The following LIN52 variants were observed in gnomAD, a reference collection of about 807,000 sequenced individuals.
LIN52 encodes the protein lin-52 DREAM MuvB core complex component, also known as protein lin-52 homolog.
Under a neutral mutation model 18.5 loss-of-function variants are expected in LIN52, and 4 were observed. That is an observed-to-expected ratio of 0.22 (90% confidence interval 0.11 to 0.49). The LOEUF (loss-of-function observed/expected upper bound fraction) is 0.49, where lower values mean the gene tolerates loss of function less well. Ranked by LOEUF, LIN52 falls within the 20% of genes least tolerant of loss-of-function variation. The pLI, the probability that LIN52 is intolerant of heterozygous loss-of-function variation, is 0.97. For synonymous variants in LIN52, 34 were observed against 45.5 expected (o/e 0.75, Z 1.02); for missense variants, 102 against 139.5 (o/e 0.73, Z 1.35).
intron 5 of LIN52, among the ~76,000 whole-genome samples, chr14:74,115,345 G>A (rs924716831): frequency 6.6e-6 from 1 of 152,108 alleles, no homozygotes; most frequent in Non-Finnish European, 1.5e-5. Flanking sequence ...TATTGTGAAG[G>A]CGAACTTTTT....
intron 5 of LIN52, among the ~76,000 whole-genome samples, chr14:74,176,787 T>C (rs2061296189): frequency 6.6e-6 from 1 of 152,192 alleles, no homozygotes; most frequent in South Asian, 2.1e-4. Flanking sequence ...GTTAATGTTT[T>C]AATATTTCTA....
chr14:74,141,236 A>G (rs940644444), intron 5 of LIN52, among the ~76,000 whole-genome samples: 6 of 152,252 alleles, frequency 3.9e-5, no homozygotes, highest in African/African-American at 1.4e-4. Flanking sequence ...TGCCACGAAC[A>G]GTTTCTCCAT....
At chr14:74,191,191 A>G (rs2078874142) in intron 5 of LIN52, among the ~76,000 whole-genome samples, 1 of 152,176 alleles carries the variant, frequency 6.6e-6, no homozygotes, top group Non-Finnish European at 1.5e-5. Flanking sequence ...TATAAATCAC[A>G]TTGCTCTCTT....
intron 5 of LIN52, among the ~76,000 whole-genome samples, chr14:74,193,286 T>C (rs10140433): frequency 0.6 from 91,138 of 151,042 alleles, 28,567 homozygotes; most frequent in Admixed American, 0.69. Flanking sequence ...AGGTATTGCA[T>C]GCCTGTAGTC....
intron 5 of LIN52, among the ~76,000 whole-genome samples, chr14:74,163,151 A>T (rs540756760): frequency 2.1e-4 from 32 of 152,214 alleles, no homozygotes; most frequent in African/African-American, 6.7e-4. Flanking sequence ...GTACAATCTC[A>T]GCTCACTGCA....
intron 5 of LIN52, among the ~76,000 whole-genome samples, chr14:74,182,559 G>A (rs893715747): frequency 3.3e-5 from 5 of 151,998 alleles, no homozygotes; most frequent in Admixed American, 6.6e-5. Context: ...AAGAATGATC[G>A]CAGTAAAATT....
intron 2 of LIN52, among the ~76,000 whole-genome samples, chr14:74,093,390 A>G (rs890748140): frequency 5.1e-5 from 7 of 137,338 alleles, no homozygotes; most frequent in Non-Finnish European, 9.1e-5. Flanking sequence ...ATAATGGTGC[A>G]GTCTTGGCTC....
intron 5 of LIN52, among the ~76,000 whole-genome samples, chr14:74,122,741 C>G (rs59817467): frequency 0.19 from 28,146 of 151,962 alleles, 2,817 homozygotes; most frequent in South Asian, 0.43. Context: ...TGGCAGGCAC[C>G]TGTAATCCCA....
intron 5 of LIN52, among the ~76,000 whole-genome samples, chr14:74,144,333 C>G (rs2061145228): frequency 6.6e-6 from 1 of 151,640 alleles, no homozygotes; most frequent in Non-Finnish European, 1.5e-5. Flanking sequence ...CACTTTGTTG[C>G]CCAGGCTGGT....
chr14:74,125,015 T>C (rs1429590266), intron 5 of LIN52, among the ~76,000 whole-genome samples: 1 of 152,174 alleles, frequency 6.6e-6, no homozygotes, highest in East Asian at 1.9e-4. Context: ...TTGCAAATTA[T>C]ATTTCTGATA....
At chr14:74,166,196 A>G (rs1289051911) in intron 5 of LIN52, among the ~76,000 whole-genome samples, 2 of 144,428 alleles carry the variant, frequency 1.4e-5, no homozygotes, top group Non-Finnish European at 3.0e-5. Context: ...CAGCTATTTC[A>G]TCTATTTTTA....
At chr14:74,159,451 C>A (rs2139563600) in intron 5 of LIN52, among the ~76,000 whole-genome samples, 1 of 152,262 alleles carries the variant, frequency 6.6e-6, no homozygotes, top group Admixed American at 6.5e-5. Context: ...TTACTACTTA[C>A]ACAATTACTG....
intron 5 of LIN52, among the ~76,000 whole-genome samples, chr14:74,108,841 C>G (rs2060911766): frequency 6.6e-6 from 1 of 152,010 alleles, no homozygotes; most frequent in African/African-American, 2.4e-5. Context: ...CAAAAGTTTT[C>G]TCTCATTCTA....
intron 5 of LIN52, among the ~76,000 whole-genome samples, chr14:74,191,450 TTAGAATACATTCAAGA>T (rs1213707377): frequency 2.0e-5 from 3 of 152,158 alleles, no homozygotes; most frequent in Non-Finnish European, 4.4e-5. Flanking sequence ...GTCATAGCTG[TTAGAATACATTCAAGA>T]TAGAATACAT....
intron 1 of LIN52, among the ~76,000 whole-genome samples, chr14:74,086,189 T>A (rs1697851711): frequency 6.6e-6 from 1 of 152,170 alleles, no homozygotes; most frequent in African/African-American, 2.4e-5. Context: ...ATTCCAAGTT[T>A]GTCTTGTTCA....
At chr14:74,153,133 C>G (rs562190482) in intron 5 of LIN52, among the ~76,000 whole-genome samples, 1 of 152,164 alleles carries the variant, frequency 6.6e-6, no homozygotes, top group South Asian at 2.1e-4. Flanking sequence ...GAGTTGTGCT[C>G]CTGACCTGAG....
At chr14:74,124,810 CA>C (rs5809648) in intron 5 of LIN52, among the ~76,000 whole-genome samples, 11,718 of 59,214 alleles carry the variant, frequency 0.2, 296 homozygotes, top group Admixed American at 0.24. Context: ...GACCCTGTCT[CA>C]AAAAAAAAAA....
intron 5 of LIN52, among the ~76,000 whole-genome samples, chr14:74,152,506 G>C (rs146912259): frequency 6.6e-6 from 1 of 152,080 alleles, no homozygotes; most frequent in Non-Finnish European, 1.5e-5. Context: ...AGCCCTGTAA[G>C]TTGGAACATT....
rs1338316847 is a variant in LIN52 at position 74,192,679 on chromosome 14, T to C, written c.284-6243T>C. 10 of 254,868 alleles carry C rather than the reference T, an allele frequency of 3.9e-5. No homozygotes were observed. In the East Asian group the frequency reaches 1.2e-3, roughly 29 times the overall value. 15.8% of individuals were successfully genotyped at this position (254,868 alleles called of 1,614,324 possible). A position where few individuals can be genotyped will look rare whatever the true frequency, so the allele number is the denominator to read the frequency against. On this transcript the variant is annotated intron_variant, in intron 5 of 5. Coordinates refer to ENST00000555028, the MANE Select transcript of LIN52 (RefSeq NM_001024674.3). Reference sequence around the variant, plus strand: ...AGGCATACACCACTTGGTAGACTAATGAAAGCTCGTTGTGAACAACAGTAT... The same window carrying C: ...AGGCATACACCACTTGGTAGACTAACGAAAGCTCGTTGTGAACAACAGTAT...
Sources: gnomAD v4.1 joint callset for allele counts (sites outside exome capture counted in the v4.1 genomes callset) on GRCh38, gnomAD v4.1.1 for gene constraint, MANE v1.5 for transcripts, NCBI Gene and HGNC (gene_info 2026-07-23, HGNC 2026-07-21) for gene names.